ROBO2: variants seen among roughly 807,000 people sequenced by gnomAD.
The protein encoded by ROBO2 is roundabout homolog 2.
Under a neutral mutation model 160.8 loss-of-function variants are expected in ROBO2, and 53 were observed. The observed-to-expected ratio is 0.33, with a 90% CI of 0.26 to 0.41. The LOEUF (loss-of-function observed/expected upper bound fraction) is 0.41, where lower values mean the gene tolerates loss of function less well. Ranked by LOEUF, ROBO2 falls within the 10% of genes least tolerant of loss-of-function variation. ROBO2 has a pLI of 1.00. For missense variants in ROBO2, 1,577 were observed against 1,722.4 expected (o/e 0.92, Z 1.49); for synonymous variants, 664 against 611.7 (o/e 1.09, Z -1.26).
chr3:76,624,287 G>T (rs1190394610), intron 2 of ROBO2, among the ~76,000 whole-genome samples: 1 of 152,106 alleles, frequency 6.6e-6, no homozygotes, highest in Non-Finnish European at 1.5e-5. Context: ...GCAGAACCTG[G>T]TAAGTGGTGC....
chr3:77,566,143 G>A (rs980788489), intron 12 of ROBO2, among the ~76,000 whole-genome samples: 1 of 152,034 alleles, frequency 6.6e-6, no homozygotes, highest in Non-Finnish European at 1.5e-5. Context: ...TTCGGTGATA[G>A]TAACTAGCAT....
chr3:76,572,672 G>A (rs2085028847), intron 2 of ROBO2, among the ~76,000 whole-genome samples: 1 of 152,102 alleles, frequency 6.6e-6, no homozygotes, highest in South Asian at 2.1e-4. Flanking sequence ...AAAGCTTGGG[G>A]CATAAGTATA....
intron 2 of ROBO2, among the ~76,000 whole-genome samples, chr3:76,330,479 A>C (rs2073398622): frequency 6.6e-6 from 1 of 152,208 alleles, no homozygotes; most frequent in Admixed American, 6.5e-5. Context: ...CATAATACTT[A>C]GTTTTATAAC....
At chr3:76,531,409 G>A (rs1173483636) in intron 2 of ROBO2, among the ~76,000 whole-genome samples, 1 of 151,918 alleles carries the variant, frequency 6.6e-6, no homozygotes, top group Non-Finnish European at 1.5e-5. Context: ...GATATCCCCT[G>A]CCTTCTAATC....
exon 25 of ROBO2, chr3:77,644,813 G>A (rs1035350244): frequency 6.2e-7 from 1 of 1,614,020 alleles, no homozygotes. Flanking sequence ...AAACCGAGGT[G>A]TTGAGAGCAG....
chr3:76,506,443 C>A lies in ROBO2; in HGVS notation c.109+568841C>A, dbSNP rs1394292065. On this transcript the variant is annotated intron_variant, in intron 2 of 26. Transcript: ENST00000487694. ...TTCAATGTATCCTTCGTTTTCTTGC[C>A]CCTGGATATTAATTTGTGCTGTTTT... is the stretch of plus-strand genomic sequence containing the variant. Among the ~76,000 whole-genome samples, 68 of 152,012 alleles carry A rather than the reference C, an allele frequency of 4.5e-4. 1 individual carries two copies. The highest frequency in any genetic ancestry group is 1.5e-5 in the Non-Finnish European group (1 of 68,012).
intron 2 of ROBO2, among the ~76,000 whole-genome samples, chr3:76,519,405 G>C (rs2081489436): frequency 1.3e-5 from 2 of 152,048 alleles, no homozygotes; most frequent in Non-Finnish European, 2.9e-5. Context: ...CATTTGCACA[G>C]GTATAAAAAA....
At chr3:76,437,632 T>C (rs1284780297) in intron 2 of ROBO2, among the ~76,000 whole-genome samples, 1 of 152,174 alleles carries the variant, frequency 6.6e-6, no homozygotes. Context: ...TTATACATAC[T>C]TGTTATCTTA....
At chr3:76,926,695 C>T (rs777133245) in intron 2 of ROBO2, among the ~76,000 whole-genome samples, 25 of 152,232 alleles carry the variant, frequency 1.6e-4, no homozygotes, top group Non-Finnish European at 3.2e-4. Context: ...GGGGCTAAAT[C>T]CTCTAATTCA....
At chr3:76,180,574 A>G (rs556814024) in intron 2 of ROBO2, among the ~76,000 whole-genome samples, 108 of 152,032 alleles carry the variant, frequency 7.1e-4, no homozygotes, top group Non-Finnish European at 1.2e-3. Context: ...GACAAATCCA[A>G]CGGCAAGTCC....
At chr3:77,257,684 A>G (rs1395308891) in intron 2 of ROBO2, among the ~76,000 whole-genome samples, 1 of 152,240 alleles carries the variant, frequency 6.6e-6, no homozygotes, top group Non-Finnish European at 1.5e-5. Flanking sequence ...TTAGCTTAGC[A>G]TAGGAATGAC....
Position 76,970,531 on chromosome 3 carries a change from C to T in ROBO2, c.110-127483C>T, listed in dbSNP as rs576047788. Among the ~76,000 whole-genome samples the T allele has an allele frequency of 1.4e-3, 219 of 152,170 alleles. 3 individuals carry two copies. The highest frequency in any genetic ancestry group is 5.1e-3 in the African/African-American group (210 of 41,524). ...GGCTGGCTAGGTGACAAGCATTTGC[C>T]GGCTTCCATTTTCACCAGCTTAAAT... On this transcript the variant is annotated intron_variant, in intron 2 of 26. Transcript: ENST00000487694.
intron 1 of ROBO2, among the ~76,000 whole-genome samples, 183 bp from the exon 2 acceptor site, chr3:77,097,824 AATTTATT>A (rs1199217764): frequency 6.6e-6 from 1 of 152,106 alleles, no homozygotes; most frequent in Non-Finnish European, 1.5e-5. Context: ...TTAACATATT[AATTTATT>A]GGTATCGCCC....
At chr3:76,258,890 T>C (rs1381120662) in intron 2 of ROBO2, among the ~76,000 whole-genome samples, 1 of 152,092 alleles carries the variant, frequency 6.6e-6, no homozygotes, top group East Asian at 1.9e-4. Context: ...TAATGTAGGC[T>C]TGGAATTTTT....
intron 2 of ROBO2, among the ~76,000 whole-genome samples, chr3:76,222,380 C>A (rs550662766): frequency 6.6e-6 from 1 of 152,218 alleles, no homozygotes; most frequent in African/African-American, 2.4e-5. Flanking sequence ...TGGAAGAGGG[C>A]CAAGTGGGTG....
chr3:76,800,652 C>T (rs1337745079), intron 2 of ROBO2, among the ~76,000 whole-genome samples: 2 of 151,996 alleles, frequency 1.3e-5, no homozygotes, highest in African/African-American at 4.8e-5. Flanking sequence ...CAGAGAAATG[C>T]AAATTAAAAC....
chr3:76,809,882 C>G (rs867675868), intron 2 of ROBO2, among the ~76,000 whole-genome samples: 1 of 151,266 alleles, frequency 6.6e-6, no homozygotes, highest in Non-Finnish European at 1.5e-5. Context: ...AAAATTGACA[C>G]TAGAGAACAG....
At chr3:76,122,360 G>C (rs1347231952) in intron 2 of ROBO2, among the ~76,000 whole-genome samples, 1 of 151,872 alleles carries the variant, frequency 6.6e-6, no homozygotes, top group Non-Finnish European at 1.5e-5. Flanking sequence ...AAATATTTTG[G>C]GTTCTCTGTA....
chr3:76,759,083 T>A (rs2108344737), intron 2 of ROBO2, among the ~76,000 whole-genome samples: 1 of 151,962 alleles, frequency 6.6e-6, no homozygotes, highest in East Asian at 2.0e-4. Flanking sequence ...ATATATTTAC[T>A]TTTTCCAATC....
Sources: gnomAD v4.1 joint callset for allele counts (sites outside exome capture counted in the v4.1 genomes callset) on GRCh38, gnomAD v4.1.1 for gene constraint, MANE v1.5 for transcripts, NCBI Gene and HGNC (gene_info 2026-07-23, HGNC 2026-07-21) for gene names.